ELF2: variants seen among roughly 807,000 people sequenced by gnomAD.
ELF2 encodes the protein E74 like ETS transcription factor 2.
ELF2 carries 11 observed loss-of-function variants against 54.8 expected under a neutral mutation model. The ratio of observed to expected loss-of-function variants is 0.20; its 90% CI spans 0.13 to 0.33. ELF2 has a LOEUF of 0.33. Ranked by LOEUF, ELF2 falls within the 10% of genes least tolerant of loss-of-function variation. ELF2 has a pLI of 1.00. For missense variants in ELF2, 513 were observed against 703.0 expected (o/e 0.73, Z 3.06); for synonymous variants, 203 against 245.1 (o/e 0.83, Z 1.61).
At chr4:139,138,341 C>T (rs977369706) in intron 2 of ELF2, among the ~76,000 whole-genome samples, 1 of 151,720 alleles carries the variant, frequency 6.6e-6, no homozygotes, top group African/African-American at 2.4e-5. Context: ...CACTTGAACC[C>T]AGGAGGTGGA....
At position 139,153,874 on chromosome 4, in the gene ELF2, C is replaced by G. The variant is rs569783759; in HGVS notation, c.-251-14377G>C. ...ATGCATAGTTGACTTTCAGTCTACC[C>G]CCTCCTTTTCACATGCAACATGTGG... On this transcript the variant is annotated intron_variant, in intron 1 of 9. Coordinates refer to ENST00000686138, the MANE Select transcript of ELF2 (RefSeq NM_001331036.3). Among the ~76,000 whole-genome samples the G allele has an allele frequency of 2.0e-5, 3 of 152,236 alleles. No individual in the cohort carries two copies. In the South Asian group the frequency reaches 6.2e-4, roughly 32 times the overall value.
At chr4:139,140,146 T>C (rs890072771) in intron 1 of ELF2, among the ~76,000 whole-genome samples, 8 of 152,148 alleles carry the variant, frequency 5.3e-5, no homozygotes, top group African/African-American at 1.7e-4. Context: ...ATTGCTATGT[T>C]ACCCAGTCTG....
chr4:139,172,315 A>G (rs1357439666), intron 1 of ELF2, among the ~76,000 whole-genome samples: 3 of 152,250 alleles, frequency 2.0e-5, no homozygotes, highest in Non-Finnish European at 4.4e-5. Flanking sequence ...ACATGGTCTG[A>G]AAATGATAAA....
chr4:139,158,227 A>T (rs1740747922), intron 1 of ELF2, among the ~76,000 whole-genome samples: 1 of 152,166 alleles, frequency 6.6e-6, no homozygotes, highest in Non-Finnish European at 1.5e-5. Context: ...CAGAAGAAGG[A>T]ACTTCACAAG....
chr4:139,147,025 A>T (rs1264597650), intron 1 of ELF2, among the ~76,000 whole-genome samples: 2 of 152,196 alleles, frequency 1.3e-5, no homozygotes, highest in Non-Finnish European at 2.9e-5. Flanking sequence ...AAATAAATAA[A>T]TGGGACCTAA....
intron 4 of ELF2, chr4:139,115,272 G>GT: frequency 6.4e-7 from 1 of 1,559,406 alleles, no homozygotes; most frequent in African/African-American, 1.4e-5. Context: ...CTGCGGTCCC[G>GT]GGGGGGGCTC....
intron 4 of ELF2, among the ~76,000 whole-genome samples, chr4:139,082,824 A>T (rs966860325): frequency 6.6e-6 from 1 of 152,236 alleles, no homozygotes; most frequent in Non-Finnish European, 1.5e-5. Context: ...TACAGTAAGT[A>T]AACAGTATTC....
chr4:139,126,942 CCACGA>C (rs1485970053), intron 3 of ELF2, among the ~76,000 whole-genome samples: 2 of 152,124 alleles, frequency 1.3e-5, no homozygotes, highest in Non-Finnish European at 2.9e-5. Flanking sequence ...AAGAGAGATT[CCACGA>C]TGCTAGCTAT....
chr4:139,088,794 T>G (rs1424933117), intron 4 of ELF2, among the ~76,000 whole-genome samples: 1 of 152,146 alleles, frequency 6.6e-6, no homozygotes, highest in Admixed American at 6.5e-5. Flanking sequence ...GTTTCACTCT[T>G]GTTGCCCAGG....
At chr4:139,065,004 T>G (rs1728478026) in intron 7 of ELF2, among the ~76,000 whole-genome samples, 1 of 152,250 alleles carries the variant, frequency 6.6e-6, no homozygotes, top group Non-Finnish European at 1.5e-5. Flanking sequence ...ACAAACCATG[T>G]ATAATCTTCA....
rs994137377 is a variant in ELF2, at chr4:139,137,788, T to A, written c.-87A>T. 3.8e-6 allele frequency: 6 copies of A among 1,563,110 alleles called. No homozygotes were observed. Among genetic ancestry groups the A allele is most frequent in the African/African-American group, 2.7e-5 (2 of 73,198 alleles). ...TTGCCAGTGTTATAGGTTTGCATTA[T>A]CATGTTTTAAAAGTCAATAGAGATG... On this transcript the variant is annotated 5_prime_UTR_variant, in exon 3 of 10. Coordinates refer to ENST00000686138, the MANE Select transcript of ELF2 (RefSeq NM_001331036.3).
intron 3 of ELF2, among the ~76,000 whole-genome samples, chr4:139,128,455 T>G (rs1230538087): frequency 6.6e-6 from 1 of 152,108 alleles, no homozygotes; most frequent in African/African-American, 2.4e-5. Flanking sequence ...CTCCTTGACT[T>G]ATCTATATAT....
At chr4:139,084,159 T>C in intron 4 of ELF2, 1 of 1,613,486 alleles carries the variant, frequency 6.2e-7, no homozygotes, top group South Asian at 1.1e-5. Flanking sequence ...ATCCAGCTGG[T>C]TCGTGGGTCC....
chr4:139,106,976 C>A (rs1734482726), intron 4 of ELF2, among the ~76,000 whole-genome samples: 1 of 151,958 alleles, frequency 6.6e-6, no homozygotes, highest in South Asian at 2.1e-4. Flanking sequence ...AAACTCCTGA[C>A]CTCAGGTGTT....
At chr4:139,096,969 G>A (rs1733350375) in intron 4 of ELF2, among the ~76,000 whole-genome samples, 1 of 151,698 alleles carries the variant, frequency 6.6e-6, no homozygotes, top group Non-Finnish European at 1.5e-5. Context: ...TAATAATCTA[G>A]TACTGTTTTA....
chr4:139,125,037 C>A, intron 4 of ELF2, 127 bp downstream of exon 4: 1 of 1,125,264 alleles, frequency 8.9e-7, no homozygotes, highest in Non-Finnish European at 1.2e-6. Context: ...AGATGTTTCA[C>A]TGGTTTCCAA....
intron 1 of ELF2, among the ~76,000 whole-genome samples, chr4:139,161,082 C>A (rs940115807): frequency 2.0e-5 from 3 of 152,042 alleles, no homozygotes; most frequent in African/African-American, 4.8e-5. Flanking sequence ...GTGTTTTATA[C>A]CTATGTACAT....
intron 1 of ELF2, among the ~76,000 whole-genome samples, chr4:139,147,353 C>A (rs1400839535): frequency 6.6e-6 from 1 of 152,170 alleles, no homozygotes; most frequent in African/African-American, 2.4e-5. Flanking sequence ...CTTACTCCTG[C>A]AAGAATGGCC....
chr4:139,158,545 T>C (rs962960959), intron 1 of ELF2, among the ~76,000 whole-genome samples: 2 of 152,062 alleles, frequency 1.3e-5, no homozygotes, highest in African/African-American at 4.8e-5. Flanking sequence ...GAGATTAAGC[T>C]GAAAGAAGAT....
Sources: gnomAD v4.1 joint callset for allele counts (sites outside exome capture counted in the v4.1 genomes callset) on GRCh38, gnomAD v4.1.1 for gene constraint, MANE v1.5 for transcripts, NCBI Gene and HGNC (gene_info 2026-07-23, HGNC 2026-07-21) for gene names.